AKAP9: variants seen among roughly 807,000 people sequenced by gnomAD.
AKAP9 encodes the protein A-kinase anchoring protein 9.
Under a neutral mutation model 488.5 loss-of-function variants are expected in AKAP9, and 311 were observed. The observed-to-expected ratio is 0.64, with a 90% CI of 0.58 to 0.70. The LOEUF is 0.70. AKAP9 is among the 30% of genes least tolerant of loss of function. The probability of loss-of-function intolerance (pLI) is 0.00; values close to 1 mark genes in which losing one functional copy is unlikely to be tolerated. For synonymous variants in AKAP9, 1,462 were observed against 1,483.5 expected (o/e 0.99, Z 0.33); for missense variants, 4,215 against 4,374.5 (o/e 0.96, Z 1.03).
rs1063242 is a variant in AKAP9, at chr7:92,085,597, C to T, written c.8935C>T (p.Pro2979Ser). ...EDHSIQQVSE[P>S]WLEERKAYIN... ...CCATTCTATTCAGCAGGTTTCAGAA[C>T]CTTGGCTAGAAGAGAGAAAAGCTTA... Residue 2979 changes from proline (P) to serine (S), a missense_variant, in exon 36 of 50, where the codon CCT (proline) becomes TCT (serine). Coordinates refer to ENST00000356239, the MANE Select transcript of AKAP9 (RefSeq NM_005751.5). 1 allele frequency: 1,609,035 copies of T among 1,614,044 alleles called. 802,048 individuals are homozygous for T. The highest frequency in any genetic ancestry group is 1 in the East Asian group (44,883 of 44,884).
chr7:92,031,910 A>G (rs898121183), intron 16 of AKAP9, among the ~76,000 whole-genome samples: 1 of 152,226 alleles, frequency 6.6e-6, no homozygotes, highest in African/African-American at 2.4e-5. Flanking sequence ...GAAGATAGGA[A>G]AAGAAAGAGA....
chr7:91,982,591 T>C (rs1038419807), intron 3 of AKAP9, among the ~76,000 whole-genome samples: 2 of 152,240 alleles, frequency 1.3e-5, no homozygotes, highest in African/African-American at 2.4e-5. Flanking sequence ...CAGTCTATCA[T>C]TGATGGACAT....
intron 1 of AKAP9, among the ~76,000 whole-genome samples, chr7:91,952,289 T>C (rs1361293744): frequency 6.6e-6 from 1 of 152,204 alleles, no homozygotes; most frequent in Non-Finnish European, 1.5e-5. Context: ...TCAGTAAATA[T>C]GATTGAACAC....
chr7:92,066,636 C>A, intron 26 of AKAP9, 90 bp downstream of exon 26: 1 of 1,481,086 alleles, frequency 6.8e-7, no homozygotes, highest in South Asian at 1.2e-5. Flanking sequence ...AAAGTGGATT[C>A]TTTCCTTTGT....
chr7:92,053,394 G>A (rs117159837), intron 22 of AKAP9, among the ~76,000 whole-genome samples: 3 of 152,238 alleles, frequency 2.0e-5, no homozygotes, highest in Non-Finnish European at 4.4e-5. Context: ...GATAAGCAAC[G>A]TGAAAAATGT....
chr7:92,098,919 G>A (rs1255999639), intron 43 of AKAP9, among the ~76,000 whole-genome samples: 1 of 152,118 alleles, frequency 6.6e-6, no homozygotes, highest in Non-Finnish European at 1.5e-5. Context: ...CTAGACTTCT[G>A]TCCTGTGTTC....
chr7:92,042,039 T>G lies in AKAP9; in HGVS notation c.4918-7T>G. 6.2e-7 allele frequency: 1 copy of G among 1,613,560 alleles called. No individual in the cohort carries two copies. The highest frequency in any genetic ancestry group is 1.1e-5 in the South Asian group (1 of 91,056). On this transcript the variant is annotated splice_polypyrimidine_tract_variant and splice_region_variant and intron_variant, in intron 18 of 49. Coordinates refer to ENST00000356239, the MANE Select transcript of AKAP9 (RefSeq NM_005751.5). ...AGTATTCTTTCATGACCTTTTTTCT[T>G]ATTTAGAGATCCTCCATAGATAATG...
At chr7:91,987,141 A>G (rs1341972695) in intron 3 of AKAP9, among the ~76,000 whole-genome samples, 1 of 152,148 alleles carries the variant, frequency 6.6e-6, no homozygotes, top group African/African-American at 2.4e-5. Flanking sequence ...TGAGCCAGGC[A>G]CGGTGGCTCA....
At chr7:92,090,292 A>G (rs1409997794) in intron 38 of AKAP9, 2 of 152,308 alleles carry the variant, frequency 1.3e-5, no homozygotes, top group Non-Finnish European at 2.9e-5. Context: ...TACTGCATTT[A>G]TCTCTAGTTC....
intron 31 of AKAP9, 84 bp from the exon 32 acceptor site, chr7:92,082,438 G>A: frequency 6.9e-7 from 1 of 1,450,888 alleles, no homozygotes; most frequent in South Asian, 1.2e-5. Flanking sequence ...TTCCTTGGAT[G>A]GTTTTATTAG....
At chr7:91,973,552 A>T in intron 1 of AKAP9, 159 bp from the exon 2 acceptor site, 1 of 756,420 alleles carries the variant, frequency 1.3e-6, no homozygotes, top group South Asian at 1.9e-5. Context: ...TTTGCATTCC[A>T]GTAGTTACAT....
intron 1 of AKAP9, among the ~76,000 whole-genome samples, chr7:91,941,606 G>GGT (rs1318184040): frequency 6.6e-6 from 1 of 152,070 alleles, no homozygotes; most frequent in African/African-American, 2.4e-5. Flanking sequence ...GGCACTCTTG[G>GGT]GTGTGTGTGA....
intron 1 of AKAP9, among the ~76,000 whole-genome samples, chr7:91,947,721 T>C (rs191531299): frequency 6.6e-6 from 1 of 152,326 alleles, no homozygotes; most frequent in East Asian, 1.9e-4. Flanking sequence ...TCAACAGGTG[T>C]TTTGAAGGAT....
chr7:92,062,486 CGTAA>C lies in AKAP9; in HGVS notation c.5977+4_5977+7del, dbSNP rs781603656. 3 of 1,611,924 alleles carry C rather than the reference CGTAA, an allele frequency of 1.9e-6. No homozygotes were observed. The highest frequency in any genetic ancestry group is 1.1e-5 in the South Asian group (1 of 91,038). ...AGCAGAGGCAGGCCCAGTTGAACAA[CGTAA>C]GTATTTTCAGAATTTGTATGAAACA... is the stretch of plus-strand genomic sequence containing the variant. On this transcript the variant is annotated splice_donor_variant and splice_donor_region_variant and intron_variant, in intron 24 of 49. Transcript: ENST00000356239. LOFTEE classifies it high-confidence loss of function.
chr7:92,071,874 G>A (rs916483904), intron 28 of AKAP9, among the ~76,000 whole-genome samples: 3 of 152,176 alleles, frequency 2.0e-5, no homozygotes, highest in African/African-American at 7.2e-5. Flanking sequence ...GTAAGTGACT[G>A]TAGTTGAAAT....
At chr7:92,045,826 G>GTTTCTT (rs1806881197) in intron 21 of AKAP9, among the ~76,000 whole-genome samples, 1 of 130,262 alleles carries the variant, frequency 7.7e-6, no homozygotes, top group Non-Finnish European at 1.7e-5. Context: ...TCTTCTTTCC[G>GTTTCTT]TTTCTTTTTT....
intron 37 of AKAP9, among the ~76,000 whole-genome samples, chr7:92,087,345 T>G (rs2130879475): frequency 6.6e-6 from 1 of 152,300 alleles, no homozygotes; most frequent in East Asian, 1.9e-4. Flanking sequence ...AGCAAAATGA[T>G]AAAGCACACA....
chr7:92,063,375 A>G (rs1249257772), intron 24 of AKAP9: 1 of 678,746 alleles, frequency 1.5e-6, no homozygotes, highest in Non-Finnish European at 1.8e-6. Flanking sequence ...GTGTGTGTGC[A>G]TGTGCATTAT....
At position 92,007,707 on chromosome 7, in the gene AKAP9, TAA is replaced by T. The variant is rs1800109807; in HGVS notation, c.3318+4473_3318+4474del. Among the ~76,000 whole-genome samples, 3 of 152,200 alleles carry T rather than the reference TAA, an allele frequency of 2.0e-5. No homozygotes were observed. The East Asian group carries it at 5.8e-4, about 29-fold the overall frequency. ...GAAAAGTTACTGAAGTTCAACTTAG[TAA>T]TTGGTTTATAGTTTATCTGGAGAAG... On this transcript the variant is annotated intron_variant, in intron 8 of 49. Transcript: ENST00000356239.
Sources: allele counts gnomAD v4.1 joint callset (sites outside exome capture counted in the v4.1 genomes callset), GRCh38; gene constraint gnomAD v4.1.1; transcripts MANE v1.5; gene names NCBI Gene and HGNC (gene_info 2026-07-23, HGNC 2026-07-21).